CDC42SE1: variants seen among roughly 807,000 people sequenced by gnomAD.
CDC42SE1 encodes the protein CDC42 small effector protein 1.
In CDC42SE1, 10 loss-of-function variants were observed where a neutral mutation model predicts 10.9. That is an observed-to-expected ratio of 0.92 (90% CI 0.57 to 1.56). CDC42SE1 has a LOEUF of 1.56. Among genes scored for constraint, CDC42SE1 ranks in the 40% most tolerant of loss-of-function variants. The pLI, the probability that CDC42SE1 is intolerant of heterozygous loss-of-function variation, is 0.00. For missense variants in CDC42SE1, 81 were observed against 100.8 expected, an observed-to-expected ratio of 0.80 and a Z score of 0.84; for synonymous variants, 24 against 32.0, an observed-to-expected ratio of 0.75 and a Z score of 0.85.
At chr1:151,053,866 A>G (rs1042468287) in intron 4 of CDC42SE1, among the ~76,000 whole-genome samples, 3 of 148,470 alleles carry the variant, frequency 2.0e-5, no homozygotes, top group Non-Finnish European at 3.0e-5. Context: ...GTCTTGCTCT[A>G]TCACACAGGC....
intron 1 of CDC42SE1, among the ~76,000 whole-genome samples, chr1:151,056,238 A>G (rs953870161): frequency 3.9e-5 from 6 of 152,190 alleles, no homozygotes; most frequent in African/African-American, 1.4e-4. Flanking sequence ...GAAGGGGGCT[A>G]GAAGCACTTA....
rs1331601819 is a variant in CDC42SE1, at chr1:151,057,906, G to C, written c.-264+1573C>G. 2.0e-5 allele frequency: 3 copies of C among 152,424 alleles called. No individual in the cohort carries two copies. Among genetic ancestry groups the C allele is most frequent in the African/African-American group, 7.2e-5 (3 of 41,410 alleles). 9.4% of individuals were successfully genotyped at this position (152,424 alleles called of 1,614,324 possible). ...GAAGCTAAAACACGCTGTCCAGAGA[G>C]GGGAGCTGTGGTCAGTGGGACGTCA... On this transcript the variant is annotated intron_variant, in intron 1 of 4. Coordinates refer to ENST00000357235, the MANE Select transcript of CDC42SE1 (RefSeq NM_020239.4). The surrounding 1 kb of genome is among the most constrained non-coding windows in gnomAD (Gnocchi z 4.0).
chr1:151,058,670 C>CG (rs1361803023), intron 1 of CDC42SE1: 3 of 152,982 alleles, frequency 2.0e-5, no homozygotes, highest in African/African-American at 7.3e-5. Flanking sequence ...AGCCACCCCC[C>CG]GCCCCCACCA....
chr1:151,054,921 T>G, intron 3 of CDC42SE1, 95 bp downstream of exon 3: 17 of 902,812 alleles, frequency 1.9e-5, no homozygotes, highest in East Asian at 1.2e-4. Flanking sequence ...ACTTCCCCAT[T>G]GAGTATTTTC....
chr1:151,054,173 T>TA, intron 4 of CDC42SE1, 58 bp downstream of exon 4: 1 of 1,071,056 alleles, frequency 9.3e-7, no homozygotes, highest in Middle Eastern at 2.0e-4. Context: ...TGAGTCAGGG[T>TA]ATCAGGTTGT....
intron 3 of CDC42SE1, 61 bp downstream of exon 3, chr1:151,054,955 A>G: frequency 8.0e-7 from 1 of 1,247,864 alleles, no homozygotes; most frequent in Non-Finnish European, 1.2e-6. Context: ...TTGAACTTTC[A>G]AAAAGAGGGA....
In CDC42SE1 at chr1:151,055,918, GC is replaced by G. The variant is rs1676269588; in HGVS notation, c.-189del. On this transcript the variant is annotated 5_prime_UTR_variant, in exon 2 of 5. Transcript: ENST00000357235. ...GAGCAGTGAAGGTCAGTGTCTCAGA[GC>G]CTGAGAGATGAACAGGACCAGAGAG... 1.6e-6 allele frequency: 1 copy of G among 620,638 alleles called. No individual in the cohort carries two copies. The highest frequency in any genetic ancestry group is 2.8e-5 in the East Asian group (1 of 36,266). The allele number at this position is 620,638 out of a possible 1,614,324, so 38.4% of individuals were successfully genotyped here. A position where few individuals can be genotyped will look rare whatever the true frequency, so the allele number is the denominator to read the frequency against.
chr1:151,056,026 T>G (rs587685860), intron 1 of CDC42SE1, 33 bp from the exon 2 acceptor site: 1 of 450,308 alleles, frequency 2.2e-6, no homozygotes, highest in South Asian at 2.5e-5. Context: ...GAAAGATCAG[T>G]GAGAAATCTC....
chr1:151,056,265 C>T (rs985337855), intron 1 of CDC42SE1, among the ~76,000 whole-genome samples: 12 of 152,242 alleles, frequency 7.9e-5, no homozygotes, highest in African/African-American at 2.6e-4. Context: ...AGAGGATGGG[C>T]GAGGACCAAA....
intron 4 of CDC42SE1, 82 bp from the exon 5 acceptor site, chr1:151,053,409 C>T (rs147807121): frequency 0.02 from 3,034 of 152,370 alleles, 45 homozygotes; most frequent in Non-Finnish European, 0.03. Context: ...CTACCTAGTG[C>T]AGACTTTAAG....
chr1:151,053,376 ACCAAGGCT>A (rs2102974627), intron 4 of CDC42SE1, 49 bp from the exon 5 acceptor site: 1 of 152,450 alleles, frequency 6.6e-6, no homozygotes, highest in East Asian at 1.9e-4. Flanking sequence ...CTCAAAGAAA[ACCAAGGCT>A]TTAGGAAGAA....
In CDC42SE1 at chr1:151,055,670, G is replaced by A. The variant is rs1676265111; in HGVS notation, c.54+7C>T. On this transcript the variant is annotated splice_region_variant and intron_variant, in intron 2 of 4. Transcript: ENST00000357235. Reference sequence around the variant, plus strand: ...TTTGGGTTAGGATGGGGGGTGGGGAGACTCACCGGCTGGGGTTTCTCTACC... The same window carrying A: ...TTTGGGTTAGGATGGGGGGTGGGGAAACTCACCGGCTGGGGTTTCTCTACC... 1 of 1,610,508 alleles carries A rather than the reference G, an allele frequency of 6.2e-7. No homozygotes were observed.
chr1:151,054,219 C>T lies in CDC42SE1; in HGVS notation c.*16+12G>A, dbSNP rs747484710. 6.4e-7 allele frequency: 1 copy of T among 1,553,168 alleles called. No homozygotes were observed. Among genetic ancestry groups the T allele is most frequent in the Admixed American group, 1.7e-5 (1 of 59,926 alleles). On this transcript the variant is annotated intron_variant, in intron 4 of 4. Transcript: ENST00000357235. ...GGGCTGAGGTGTTAGATGGGTTTCT[C>T]TAATCACTCACCATTCCATTATTGG...
chr1:151,056,032 A>C, intron 1 of CDC42SE1, 39 bp from the exon 2 acceptor site: 1 of 428,412 alleles, frequency 2.3e-6, no homozygotes, highest in Non-Finnish European at 4.3e-6. Context: ...TCAGTGAGAA[A>C]TCTCCCCCTC....
At position 151,055,823 on chromosome 1, in the gene CDC42SE1, A is replaced by T. The variant is rs1266445244; in HGVS notation, c.-93T>A. On this transcript the variant is annotated 5_prime_UTR_variant, in exon 2 of 5. Coordinates refer to ENST00000357235, the MANE Select transcript of CDC42SE1 (RefSeq NM_020239.4). ...ACAACCCACTCCTCACTCTCCCCAGATACACCACCACCCTGGGTTCACTCA... is the reference window on the plus strand; with the variant it reads ...ACAACCCACTCCTCACTCTCCCCAGTTACACCACCACCCTGGGTTCACTCA... 1 of 1,025,894 alleles carries T rather than the reference A, an allele frequency of 9.7e-7. No homozygotes were observed. The highest frequency in any genetic ancestry group is 1.6e-5 in the African/African-American group (1 of 63,036). 63.5% of individuals were successfully genotyped at this position (1,025,894 alleles called of 1,614,324 possible).
intron 1 of CDC42SE1, chr1:151,058,443 G>T (rs970084376): frequency 1.3e-5 from 2 of 152,338 alleles, no homozygotes; most frequent in African/African-American, 4.8e-5. Context: ...AAAGCAGCCA[G>T]AAGAGAGTGG....
In CDC42SE1 at chr1:151,051,680, C is replaced by T. The variant is rs1299815098; in HGVS notation, c.*1664G>A. ...AAGTGCCTAAAAACCCCTGCTCCTA[C>T]GTTGTTTTCCCATTTAAAGCAGACT... On this transcript the variant is annotated 3_prime_UTR_variant, in exon 5 of 5. Coordinates refer to ENST00000357235, the MANE Select transcript of CDC42SE1 (RefSeq NM_020239.4). The T allele has an allele frequency of 6.6e-6, 1 of 152,580 alleles. No individual in the cohort carries two copies. The highest frequency in any genetic ancestry group is 1.5e-5 in the Non-Finnish European group (1 of 68,052). 9.5% of individuals were successfully genotyped at this position (152,580 alleles called of 1,614,324 possible).
chr1:151,058,880 GAGAA>G (rs1392062392), intron 1 of CDC42SE1: 2 of 152,536 alleles, frequency 1.3e-5, no homozygotes, highest in South Asian at 2.1e-4. Flanking sequence ...AGCAGCTGGA[GAGAA>G]AGAAAGAATC....
Position 151,055,670 on chromosome 1 carries a change from G to T in CDC42SE1, c.54+7C>A. On this transcript the variant is annotated splice_region_variant and intron_variant, in intron 2 of 4. Transcript: ENST00000357235. ...TTTGGGTTAGGATGGGGGGTGGGGA[G>T]ACTCACCGGCTGGGGTTTCTCTACC... is the stretch of plus-strand genomic sequence containing the variant. 6.2e-7 allele frequency: 1 copy of T among 1,610,626 alleles called. No individual in the cohort carries two copies. The highest frequency in any genetic ancestry group is 8.5e-7 in the Non-Finnish European group (1 of 1,177,288).
Sources: gnomAD v4.1 joint callset for allele counts (sites outside exome capture counted in the v4.1 genomes callset) on GRCh38, gnomAD v4.1.1 for gene constraint, Gnocchi (gnomAD v3.1) non-coding constraint, MANE v1.5 for transcripts, NCBI Gene and HGNC (gene_info 2026-07-23, HGNC 2026-07-21) for gene names.